The following IKBKG variants were observed in gnomAD, a reference collection of about 807,000 sequenced individuals.
IKBKG encodes the protein inhibitor of nuclear factor kappa B kinase regulatory subunit gamma.
A neutral mutation model predicts 13.7 loss-of-function variants in IKBKG; 2 were observed. The observed-to-expected ratio is 0.15, with a 90% CI of 0.06 to 0.46. IKBKG has a LOEUF of 0.46. Among genes scored for constraint, IKBKG ranks in the 20% least tolerant of loss-of-function variants. IKBKG has a pLI of 0.98. For missense variants in IKBKG, 53 were observed against 150.3 expected (o/e 0.35, Z 3.39); for synonymous variants, 22 against 64.4 (o/e 0.34, Z 3.15).
At chrX:154,551,091 C>T (rs952281188) in intron 1 of IKBKG, among the ~76,000 whole-genome samples, 3 of 104,222 alleles carry the variant, frequency 2.9e-5, no homozygotes, top group East Asian at 3.0e-4. Context: ...GGATTACAGG[C>T]GTGAGCCACC....
At chrX:154,546,404 G>A, upstream of IKBKG, among the ~76,000 whole-genome samples, 2 of 112,342 alleles carry the variant, frequency 1.8e-5, 1 homozygote, top group South Asian at 7.3e-4. Context: ...ATTACTCAAA[G>A]CATTGGTGTA....
At chrX:154,546,572 C>T (rs2070723770), upstream of IKBKG, among the ~76,000 whole-genome samples, 1 of 110,834 alleles carries the variant, frequency 9.0e-6, no homozygotes, top group Admixed American at 9.4e-5. Flanking sequence ...TCCAGCCCTC[C>T]CCTTGCCAAG....
At chrX:154,546,713 G>A (rs934195145), upstream of IKBKG, 4 of 842,985 alleles carry the variant, frequency 4.7e-6, no homozygotes, top group African/African-American at 4.1e-5. Context: ...AACAAACAGC[G>A]TGTATTTTAC....
At chrX:154,546,130 C>T (rs2070706009), upstream of IKBKG, 2 of 1,210,321 alleles carry the variant, frequency 1.7e-6, no homozygotes, top group Non-Finnish European at 1.1e-6. Flanking sequence ...CACCTGGGTC[C>T]GGCTCAGGGC....
chrX:154,547,344 C>T (rs1557233858), upstream of IKBKG: 1 of 754,303 alleles, frequency 1.3e-6, no homozygotes, highest in East Asian at 1.5e-4. Flanking sequence ...GCAGTCTCTT[C>T]TTGATTCCTC....
At chrX:154,545,664 G>A (rs989320171), upstream of IKBKG, 3 of 196,276 alleles carry the variant, frequency 1.5e-5, no homozygotes, top group African/African-American at 3.1e-5. Flanking sequence ...GTGAAACTCC[G>A]TCTCTACTAA....
rs1333300861 is a variant in IKBKG at position 154,542,204 on chromosome X, G to A, written c.-186-78G>A. ...TCTGAGGAAAGGGGAGGCGGGGGCC[G>A]CTGGGTCATCCCTCCCACAGGCCCA... On this transcript the variant is annotated intron_variant, in intron 1 of 10. Coordinates refer to the IKBKG transcript ENST00000422680. The A allele has an allele frequency of 2.9e-5, 22 of 763,951 alleles. No individual in the cohort carries two copies. The South Asian group carries it at 3.2e-4, about 11-fold the overall frequency. The allele number at this position is 763,951 out of a possible 1,213,427, so 63.0% of individuals were successfully genotyped here. A position where few individuals can be genotyped will look rare whatever the true frequency, so the allele number is the denominator to read the frequency against.
At chrX:154,544,363 T>C (rs1474471722), upstream of IKBKG, among the ~76,000 whole-genome samples, 2 of 110,766 alleles carry the variant, frequency 1.8e-5, no homozygotes, top group East Asian at 2.8e-4. Flanking sequence ...GGTTTCACCA[T>C]GTTGGCCAGG....
chrX:154,541,575 A>G (rs2070506136), intron 1 of IKBKG, among the ~76,000 whole-genome samples: 1 of 111,741 alleles, frequency 8.9e-6, no homozygotes, highest in Admixed American at 9.5e-5. Flanking sequence ...ACATCGGGAA[A>G]CCTGACAGCT....
intron 1 of IKBKG, among the ~76,000 whole-genome samples, chrX:154,550,888 G>A (rs1000053124): frequency 2.7e-5 from 3 of 109,100 alleles, no homozygotes; most frequent in East Asian, 5.7e-4. Context: ...CCGGGTTCAC[G>A]CCATTCTCCT....
chrX:154,553,420 A>G (rs2070987612), intron 2 of IKBKG, among the ~76,000 whole-genome samples: 1 of 112,816 alleles, frequency 8.9e-6, no homozygotes, highest in Admixed American at 9.3e-5. Context: ...CCGTGGGCAG[A>G]GACAAGACCC....
chrX:154,544,425 G>A (rs2070632159), upstream of IKBKG, among the ~76,000 whole-genome samples: 1 of 112,115 alleles, frequency 8.9e-6, no homozygotes, highest in Non-Finnish European at 1.9e-5. Context: ...CCCCCAAAGT[G>A]CTGGGATTAC....
intron 2 of IKBKG, among the ~76,000 whole-genome samples, chrX:154,552,570 G>T (rs1443576166): frequency 1.8e-5 from 2 of 109,380 alleles, no homozygotes; most frequent in Admixed American, 9.6e-5. Context: ...CTGGGACAGG[G>T]CAGAGTCGGC....
chrX:154,550,158 A>G (rs992813902), intron 1 of IKBKG, among the ~76,000 whole-genome samples: 2 of 109,462 alleles, frequency 1.8e-5, no homozygotes, highest in African/African-American at 6.7e-5. Context: ...AAAATAGTTA[A>G]TGTTAATTGC....
exon 1 of IKBKG, chrX:154,541,319 C>T (rs2070498380): frequency 9.0e-6 from 1 of 111,700 alleles, no homozygotes; most frequent in African/African-American, 3.3e-5. Context: ...AACCGGCTCA[C>T]CTTGTTTCAG....
At chrX:154,543,621 T>C (rs1316246754), upstream of IKBKG, among the ~76,000 whole-genome samples, 1 of 111,958 alleles carries the variant, frequency 8.9e-6, no homozygotes, top group Non-Finnish European at 1.9e-5. Context: ...CCAGTCTGCT[T>C]CTTGGACTAA....
chrX:154,549,296 C>A (rs2070859588), intron 1 of IKBKG, among the ~76,000 whole-genome samples: 1 of 108,621 alleles, frequency 9.2e-6, no homozygotes, highest in African/African-American at 3.4e-5. Context: ...TTTTGAGACC[C>A]AGTCTCACTC....
upstream of IKBKG, chrX:154,545,745 G>A (rs782163495): frequency 1.2e-4 from 34 of 282,842 alleles, no homozygotes; most frequent in Non-Finnish European, 2.0e-4. Flanking sequence ...TGAGGCAGGA[G>A]AATCGCTTGA....
chrX:154,544,679 C>T (rs1042453381), upstream of IKBKG, among the ~76,000 whole-genome samples: 1 of 112,180 alleles, frequency 8.9e-6, no homozygotes, highest in Non-Finnish European at 1.9e-5. Flanking sequence ...GGTACCTCTC[C>T]TGGGTCTCAG....
Sources: allele counts gnomAD v4.1 joint callset (sites outside exome capture counted in the v4.1 genomes callset), GRCh38; gene constraint gnomAD v4.1.1; transcripts MANE v1.5; gene names NCBI Gene and HGNC (gene_info 2026-07-23, HGNC 2026-07-21).